ADAP1: variants seen among roughly 807,000 people sequenced by gnomAD.
ADAP1 encodes arf-GAP with dual PH domain-containing protein 1.
ADAP1 carries 31 observed loss-of-function variants against 54.9 expected under a neutral mutation model. That is an observed-to-expected ratio of 0.56 (90% CI 0.42 to 0.76). The LOEUF (loss-of-function observed/expected upper bound fraction) is 0.76. ADAP1 is among the 30% of genes least tolerant of loss of function. The pLI, the probability that ADAP1 is intolerant of heterozygous loss-of-function variation, is 0.00. For missense variants in ADAP1, 535 were observed against 512.4 expected (o/e 1.04, Z -0.42); for synonymous variants, 313 against 202.6 (o/e 1.55, Z -4.63).
intron 1 of ADAP1, among the ~76,000 whole-genome samples, chr7:947,038 T>C (rs1012361008): frequency 6.6e-6 from 1 of 151,460 alleles, no homozygotes; most frequent in Non-Finnish European, 1.5e-5. Context: ...TGGGGTTTTG[T>C]TTTTTTTCAT....
rs557225684 is a variant in ADAP1 at position 900,765 on chromosome 7, C to G, written c.649-149G>C. On this transcript the variant is annotated intron_variant, in intron 6 of 10. Transcript: ENST00000265846. ...GCACCTCAGCTCCCAGCAGTCCTGC[C>G]GCAGGCCTGGCCCCTGTGCCCACGC... The G allele has an allele frequency of 7.3e-5, 52 of 714,120 alleles. 1 individual carries two copies. The highest frequency in any genetic ancestry group is 6.6e-4 in the South Asian group (38 of 57,224). The allele number at this position is 714,120 out of a possible 1,614,324, so 44.2% of individuals were successfully genotyped here. A position where few individuals can be genotyped will look rare whatever the true frequency, so the allele number is the denominator to read the frequency against.
chr7:904,362 G>T, intron 5 of ADAP1, 90 bp from the exon 6 acceptor site: 1 of 1,463,490 alleles, frequency 6.8e-7, no homozygotes, highest in Non-Finnish European at 9.1e-7. Flanking sequence ...TGCTGGCGGC[G>T]CACCTGCTGT....
At chr7:900,485 C>T (rs767650142) in intron 7 of ADAP1, 48 bp downstream of exon 7, 30 of 1,382,976 alleles carry the variant, frequency 2.2e-5, no homozygotes, top group Middle Eastern at 4.2e-4. Flanking sequence ...CACCCCCCAC[C>T]CCACCACCCC....
chr7:918,036 G>A (rs186004912), intron 4 of ADAP1, among the ~76,000 whole-genome samples: 8 of 152,212 alleles, frequency 5.3e-5, no homozygotes, highest in African/African-American at 1.7e-4. Context: ...AGATCTGCCC[G>A]CCTTGACCTC....
intron 2 of ADAP1, chr7:927,424 G>T: frequency 2.0e-6 from 1 of 489,072 alleles, no homozygotes. Context: ...GGGCATGGGA[G>T]AGGTTCTGCT....
intron 4 of ADAP1, among the ~76,000 whole-genome samples, chr7:919,569 A>G (rs2128104396): frequency 6.8e-6 from 1 of 147,356 alleles, no homozygotes; most frequent in East Asian, 2.0e-4. Context: ...AGATAGAGAG[A>G]GGATGAGATA....
intron 4 of ADAP1, among the ~76,000 whole-genome samples, chr7:906,725 G>GAGAAAGGA (rs1562915437): frequency 9.3e-5 from 3 of 32,110 alleles, no homozygotes; most frequent in Non-Finnish European, 5.7e-5. Flanking sequence ...ATCGGGGACG[G>GAGAAAGGA]GACATGGGGG....
chr7:904,101 G>A (rs1281882698), intron 6 of ADAP1, 25 bp downstream of exon 6: 4 of 1,610,422 alleles, frequency 2.5e-6, no homozygotes, highest in South Asian at 1.1e-5. Flanking sequence ...GTGCCACCCG[G>A]GCCCGAGTGC....
At chr7:936,115 T>G (rs773041761) in intron 1 of ADAP1, among the ~76,000 whole-genome samples, 16 of 152,196 alleles carry the variant, frequency 1.1e-4, no homozygotes, top group Non-Finnish European at 1.9e-4. Flanking sequence ...TGTCTAGGGA[T>G]TCCACGTCTC....
chr7:935,226 C>T (rs1161454619), intron 2 of ADAP1, 149 bp downstream of exon 2: 2 of 1,105,218 alleles, frequency 1.8e-6, no homozygotes, highest in African/African-American at 1.6e-5. Flanking sequence ...GGAGAGGGGG[C>T]GGGGTCCTCG....
intron 1 of ADAP1, among the ~76,000 whole-genome samples, chr7:939,553 G>T (rs1167683383): frequency 6.6e-6 from 1 of 151,456 alleles, no homozygotes; most frequent in East Asian, 2.1e-4. Flanking sequence ...TTTGCTGGCT[G>T]CGTGTGGTGG....
At chr7:950,498 A>AG in intron 1 of ADAP1, among the ~76,000 whole-genome samples, 1 of 151,744 alleles carries the variant, frequency 6.6e-6, no homozygotes, top group East Asian at 1.9e-4. Context: ...AAAAAAAAAA[A>AG]AAAAAAAATG....
intron 4 of ADAP1, among the ~76,000 whole-genome samples, chr7:909,396 T>G (rs11984227): frequency 3.7e-5 from 3 of 81,804 alleles, no homozygotes; most frequent in African/African-American, 1.0e-4. Context: ...GGAACCCCGG[T>G]CCTCCCGACA....
chr7:930,407 G>A (rs1297983343), intron 2 of ADAP1, among the ~76,000 whole-genome samples: 1 of 148,632 alleles, frequency 6.7e-6, no homozygotes, highest in East Asian at 2.0e-4. Flanking sequence ...GCCGGGCGCG[G>A]TGGCTCACAC....
intron 1 of ADAP1, among the ~76,000 whole-genome samples, chr7:952,631 C>T (rs1298489972): frequency 6.6e-6 from 1 of 152,106 alleles, no homozygotes; most frequent in Non-Finnish European, 1.5e-5. Context: ...AGCAGAGCGG[C>T]CGGGTGTGGC....
intron 6 of ADAP1, among the ~76,000 whole-genome samples, chr7:903,645 T>C (rs1844932574): frequency 2.6e-5 from 4 of 152,038 alleles, no homozygotes; most frequent in South Asian, 2.1e-4. Context: ...CCTCCAGAGA[T>C]GCGGGGTACA....
intron 4 of ADAP1, among the ~76,000 whole-genome samples, chr7:914,782 G>A (rs1046897165): frequency 6.6e-6 from 1 of 152,196 alleles, no homozygotes; most frequent in African/African-American, 2.4e-5. Context: ...AGCACCCAGA[G>A]ACAGCAGCCT....
chr7:951,912 C>T (rs542055734), intron 1 of ADAP1, among the ~76,000 whole-genome samples: 40 of 152,190 alleles, frequency 2.6e-4, no homozygotes, highest in Non-Finnish European at 5.3e-4. Flanking sequence ...AGCGATCCTC[C>T]GGCCTCGGCC....
intron 2 of ADAP1, among the ~76,000 whole-genome samples, chr7:927,885 A>ATT (rs34205114): frequency 3.3e-5 from 5 of 151,886 alleles, no homozygotes; most frequent in Admixed American, 6.6e-5. Flanking sequence ...AATTTATTAT[A>ATT]TTTTTTTACC....
Sources: allele counts gnomAD v4.1 joint callset (sites outside exome capture counted in the v4.1 genomes callset), GRCh38; gene constraint gnomAD v4.1.1; transcripts MANE v1.5; gene names NCBI Gene and HGNC (gene_info 2026-07-23, HGNC 2026-07-21).